The following CFLAR variants were observed in gnomAD, a reference collection of about 807,000 sequenced individuals.
CFLAR encodes the protein CASP8 and FADD-like apoptosis regulator.
Under a neutral mutation model 51.1 loss-of-function variants are expected in CFLAR, and 14 were observed. The ratio of observed to expected loss-of-function variants is 0.27; its 90% CI spans 0.18 to 0.43. CFLAR has a LOEUF of 0.43. CFLAR is among the 20% of genes least tolerant of loss of function. The pLI, the probability that CFLAR is intolerant of heterozygous loss-of-function variation, is 1.00. For missense variants in CFLAR, 390 were observed against 566.5 expected, an observed-to-expected ratio of 0.69 and a Z score of 3.16; for synonymous variants, 210 against 211.6, an observed-to-expected ratio of 0.99 and a Z score of 0.06.
In CFLAR at chr2:201,149,127, G is replaced by A. The variant is rs1940812226; in HGVS notation, c.711+75G>A. 6.1e-6 allele frequency: 6 copies of A among 979,500 alleles called. No individual in the cohort carries two copies. The South Asian group carries it at 6.8e-5, about 11-fold the overall frequency. 60.7% of individuals were successfully genotyped at this position (979,500 alleles called of 1,614,324 possible). A position where few individuals can be genotyped will look rare whatever the true frequency, so the allele number is the denominator to read the frequency against. On this transcript the variant is annotated intron_variant, in intron 7 of 9. Transcript: ENST00000309955. ...AACCCTGACTTCTTTAAAAATACCT[G>A]TCCATTAAGAATTCTTTGAGACAGT... is the stretch of plus-strand genomic sequence containing the variant.
At chr2:201,132,928 A>C in intron 2 of CFLAR, 101 bp from the exon 3 acceptor site, 2 of 1,276,236 alleles carry the variant, frequency 1.6e-6, no homozygotes, top group Non-Finnish European at 2.2e-6. Context: ...AGGGGCAAGA[A>C]CTAGTCTTTT....
rs2047582939 is a variant in CFLAR, at chr2:201,116,330, AG to A, written c.-287del. 1 of 152,294 alleles carries A rather than the reference AG, an allele frequency of 6.6e-6. No individual in the cohort carries two copies. The highest frequency in any genetic ancestry group is 2.4e-5 in the African/African-American group (1 of 41,464). The allele number at this position is 152,294 out of a possible 1,614,324, so 9.4% of individuals were successfully genotyped here. Reference sequence around the variant, plus strand: ...CAACAAGGACCACGGGAGGAGGTGTAGGAGAGAAGCGCCGCGAACAGCGATC... The same window carrying A: ...CAACAAGGACCACGGGAGGAGGTGTAGAGAGAAGCGCCGCGAACAGCGATC... On this transcript the variant is annotated 5_prime_UTR_variant, in exon 1 of 10. Transcript: ENST00000309955. This position sits in a 1 kb window ranked among gnomAD's most constrained non-coding sequence, Gnocchi z 4.8.
At chr2:201,146,677 C>T (rs1940253819) in intron 6 of CFLAR, 1 of 152,262 alleles carries the variant, frequency 6.6e-6, no homozygotes, top group African/African-American at 2.4e-5. Flanking sequence ...GTTCCGAACT[C>T]CAGGAAACGG....
chr2:201,174,822 A>T lies in CFLAR; in HGVS notation c.*10849A>T, dbSNP rs772229684. On this transcript the variant is annotated 3_prime_UTR_variant, in exon 10 of 10. Coordinates refer to ENST00000309955, the MANE Select transcript of CFLAR (RefSeq NM_003879.7). ...CACTGAATGAGAGGAGTTTGGCAGG[A>T]CTGGTTTCCCAAGACCACAAGACCC... The T allele has an allele frequency of 3.3e-5, 5 of 152,184 alleles. No individual in the cohort carries two copies. Among genetic ancestry groups the T allele is most frequent in the Admixed American group, 6.5e-5 (1 of 15,278 alleles). 9.4% of individuals were successfully genotyped at this position (152,184 alleles called of 1,614,324 possible).
intron 4 of CFLAR, chr2:201,136,408 G>T: frequency 6.3e-7 from 1 of 1,598,390 alleles, no homozygotes; most frequent in Non-Finnish European, 8.5e-7. Flanking sequence ...GGACATTCAG[G>T]GGTTTTGCAT....
chr2:201,141,751 A>G (rs1318697413), intron 5 of CFLAR: 1 of 630,684 alleles, frequency 1.6e-6, no homozygotes, highest in Non-Finnish European at 2.0e-6. Flanking sequence ...TACTTAGTAC[A>G]AGGTATCGGA....
At chr2:201,156,178 A>C (rs1037038039) in intron 8 of CFLAR, among the ~76,000 whole-genome samples, 1 of 152,198 alleles carries the variant, frequency 6.6e-6, no homozygotes, top group Non-Finnish European at 1.5e-5. Flanking sequence ...CAATAAGGGG[A>C]ACTTTGTAAA....
chr2:201,149,415 G>A, intron 7 of CFLAR: 1 of 294,814 alleles, frequency 3.4e-6, no homozygotes, highest in Non-Finnish European at 6.4e-6. Context: ...TTGTACTTGG[G>A]AACATGCCAC....
rs1263577495 is a variant in CFLAR, at chr2:201,168,650, G to C, written c.*4677G>C. ...ATCAGGCAAGAGAAACAAATAAGGG[G>C]TATTCAAATAGGAAAAGAGGAAGTA... is the stretch of plus-strand genomic sequence containing the variant. On this transcript the variant is annotated 3_prime_UTR_variant, in exon 10 of 10. Transcript: ENST00000309955. The C allele has an allele frequency of 6.7e-6, 1 of 149,754 alleles. No homozygotes were observed. Among genetic ancestry groups the C allele is most frequent in the Non-Finnish European group, 1.5e-5 (1 of 67,510 alleles). The allele number at this position is 149,754 out of a possible 1,614,324, so 9.3% of individuals were successfully genotyped here.
intron 2 of CFLAR, among the ~76,000 whole-genome samples, chr2:201,132,419 A>AGG (rs199801124): frequency 7.5e-6 from 1 of 132,936 alleles, no homozygotes; most frequent in Non-Finnish European, 1.6e-5. Flanking sequence ...TCTATTTCCT[A>AGG]GGGGGGGAAA....
Position 201,169,052 on chromosome 2 carries a change from T to C in CFLAR, c.*5079T>C, listed in dbSNP as rs1245565287. The C allele has an allele frequency of 6.6e-6, 1 of 152,122 alleles. No individual in the cohort carries two copies. Among genetic ancestry groups the C allele is most frequent in the African/African-American group, 2.4e-5 (1 of 41,418 alleles). The allele number at this position is 152,122 out of a possible 1,614,324, so 9.4% of individuals were successfully genotyped here. ...CATACTACCCAAAGTAATTTATAGG[T>C]TCATTGCTATTCCCATTAAACTACT... On this transcript the variant is annotated 3_prime_UTR_variant, in exon 10 of 10. Coordinates refer to ENST00000309955, the MANE Select transcript of CFLAR (RefSeq NM_003879.7).
At chr2:201,162,658 A>G in intron 9 of CFLAR, 1 of 209,624 alleles carries the variant, frequency 4.8e-6, no homozygotes. Flanking sequence ...AAAGTCCTTG[A>G]TTTCCTCAAT....
chr2:201,140,233 AG>A, intron 4 of CFLAR, 123 bp from the exon 5 acceptor site: 1 of 1,211,026 alleles, frequency 8.3e-7, no homozygotes, highest in Non-Finnish European at 1.2e-6. Context: ...GAATTCAGTA[AG>A]GTGGCTAGAA....
At chr2:201,133,849 T>C (rs1215669645) in intron 3 of CFLAR, among the ~76,000 whole-genome samples, 3 of 138,200 alleles carry the variant, frequency 2.2e-5, no homozygotes, top group African/African-American at 8.3e-5. Flanking sequence ...GAGAATGGTG[T>C]GAAGCTGGGA....
rs1313469110 is a variant in CFLAR at position 201,164,746 on chromosome 2, C to G, written c.*773C>G. 81 of 152,178 alleles carry G rather than the reference C, an allele frequency of 5.3e-4. No homozygotes were observed. The highest frequency in any genetic ancestry group is 8.8e-5 in the Non-Finnish European group (6 of 68,022). The allele number at this position is 152,178 out of a possible 1,614,324, so 9.4% of individuals were successfully genotyped here. ...CAATCAAGTTGATACTCAGTATTAA[C>G]CATCACAGTCCATTTGGGCAACTAT... is the stretch of plus-strand genomic sequence containing the variant. On this transcript the variant is annotated 3_prime_UTR_variant, in exon 10 of 10. Transcript: ENST00000309955.
At chr2:201,119,863 G>C (rs1285742295) in intron 1 of CFLAR, among the ~76,000 whole-genome samples, 1 of 142,450 alleles carries the variant, frequency 7.0e-6, no homozygotes, top group Non-Finnish European at 1.5e-5. Context: ...TTTCACACAT[G>C]TGCGCTCTCA....
intron 8 of CFLAR, among the ~76,000 whole-genome samples, chr2:201,151,583 A>G (rs918484908): frequency 6.6e-6 from 1 of 152,154 alleles, no homozygotes; most frequent in African/African-American, 2.4e-5. Context: ...ATTAGTACCC[A>G]TATAAGAATG....
rs1216030121 is a variant in CFLAR at position 201,116,489 on chromosome 2, C to G, written c.-138+8C>G. The G allele has an allele frequency of 1.3e-5, 2 of 152,396 alleles. No homozygotes were observed. Among genetic ancestry groups the G allele is most frequent in the African/African-American group, 4.8e-5 (2 of 41,456 alleles). The allele number at this position is 152,396 out of a possible 1,614,324, so 9.4% of individuals were successfully genotyped here. A position where few individuals can be genotyped will look rare whatever the true frequency, so the allele number is the denominator to read the frequency against. ...TCCGGCCGCGACAGGACGGTACGTGCCCCGCGCTCGACCCCCGCGCTGGCG... is the reference window on the plus strand; with the variant it reads ...TCCGGCCGCGACAGGACGGTACGTGGCCCGCGCTCGACCCCCGCGCTGGCG... On this transcript the variant is annotated splice_region_variant and intron_variant, in intron 1 of 9. Transcript: ENST00000309955. This position sits in a 1 kb window ranked among gnomAD's most constrained non-coding sequence, Gnocchi z 4.8.
Position 201,133,069 on chromosome 2 carries a change from G to A in CFLAR, c.322G>A (p.Asp108Asn). 1 of 1,610,506 alleles carries A rather than the reference G, an allele frequency of 6.2e-7. No individual in the cohort carries two copies. The highest frequency in any genetic ancestry group is 8.5e-7 in the Non-Finnish European group (1 of 1,176,696). Residue 108 changes from aspartate to asparagine, a missense_variant, in exon 3 of 10, where the codon GAT (aspartate) becomes AAT (asparagine). Asp to Asn is a conservative substitution (Grantham distance 23). Coordinates refer to ENST00000309955, the MANE Select transcript of CFLAR (RefSeq NM_003879.7). ...GATTGGTGAGGATTTGGATAAATCT[G>A]ATGTGTCCTCATTAATTTTCCTCAT... ...AEIGEDLDKSDVSSLIFLMKD... is the reference protein window; with the variant it reads ...AEIGEDLDKSNVSSLIFLMKD...
Sources: allele counts gnomAD v4.1 joint callset (sites outside exome capture counted in the v4.1 genomes callset), GRCh38; gene constraint gnomAD v4.1.1; non-coding constraint Gnocchi (gnomAD v3.1); transcripts MANE v1.5; gene names NCBI Gene and HGNC (gene_info 2026-07-23, HGNC 2026-07-21).